ZNRF2: variants seen among roughly 807,000 people sequenced by gnomAD.
ZNRF2 encodes E3 ubiquitin-protein ligase ZNRF2.
Under a neutral mutation model 20.4 loss-of-function variants are expected in ZNRF2, and 16 were observed. The ratio of observed to expected loss-of-function variants is 0.79; its 90% CI spans 0.53 to 1.19. The LOEUF is 1.19. Among genes scored for constraint, ZNRF2 ranks in the 50% most tolerant of loss-of-function variants. ZNRF2 has a pLI of 0.00. For synonymous variants in ZNRF2, 178 were observed against 144.9 expected, an observed-to-expected ratio of 1.23 and a Z score of -1.64; for missense variants, 363 against 332.4, an observed-to-expected ratio of 1.09 and a Z score of -0.72.
chr7:30,354,631 C>G (rs2127956082), intron 2 of ZNRF2, among the ~76,000 whole-genome samples: 1 of 152,212 alleles, frequency 6.6e-6, no homozygotes, highest in East Asian at 1.9e-4. Context: ...AGAAAATGTC[C>G]CTGCCTTTCT....
At position 30,353,020 on chromosome 7, in the gene ZNRF2, A is replaced by G. The variant is rs371853490; in HGVS notation, c.566-2708A>G. ...GTGAGAGAGGGGACTACTCTAGCAA[A>G]CCCCCAGGTAGGCAAAAATTAATCA... On this transcript the variant is annotated intron_variant, in intron 2 of 4. Coordinates refer to ENST00000323037, the MANE Select transcript of ZNRF2 (RefSeq NM_147128.4). 5.3e-5 allele frequency among the ~76,000 whole-genome samples: 8 copies of G among 152,058 alleles called. No homozygotes were observed. In the East Asian group the frequency reaches 1.2e-3, roughly 22 times the overall value.
At chr7:30,358,457 C>G (rs1211948033) in intron 3 of ZNRF2, among the ~76,000 whole-genome samples, 1 of 152,142 alleles carries the variant, frequency 6.6e-6, no homozygotes, top group Non-Finnish European at 1.5e-5. Context: ...GATAGAAAGA[C>G]TCAGTGTCAT....
intron 2 of ZNRF2, among the ~76,000 whole-genome samples, chr7:30,343,873 T>C (rs1799835963): frequency 6.6e-6 from 1 of 151,536 alleles, no homozygotes; most frequent in African/African-American, 2.4e-5. Flanking sequence ...TACTTTCTGG[T>C]TTCATGACTT....
At chr7:30,358,629 A>G (rs1391447779) in intron 3 of ZNRF2, among the ~76,000 whole-genome samples, 1 of 152,232 alleles carries the variant, frequency 6.6e-6, no homozygotes, top group Admixed American at 6.5e-5. Flanking sequence ...GAAGAACACC[A>G]TGTTGGTGGG....
chr7:30,329,368 C>G (rs2127948544), intron 2 of ZNRF2, among the ~76,000 whole-genome samples: 1 of 152,256 alleles, frequency 6.6e-6, no homozygotes, highest in East Asian at 1.9e-4. Context: ...GTTGTGCTTC[C>G]AAGCACTAGG....
At chr7:30,319,443 G>A (rs981465968) in intron 1 of ZNRF2, among the ~76,000 whole-genome samples, 1 of 152,184 alleles carries the variant, frequency 6.6e-6, no homozygotes, top group Non-Finnish European at 1.5e-5. Context: ...CAGGCCTGGA[G>A]GGCTGAAGTG....
Position 30,284,603 on chromosome 7 carries a change from ACGGGCCGGGCGCACCCTG to A in ZNRF2, c.-753_-736del. The A allele has an allele frequency of 6.6e-6, 1 of 152,618 alleles. No individual in the cohort carries two copies. The highest frequency in any genetic ancestry group is 1.5e-5 in the Non-Finnish European group (1 of 68,276). 9.5% of individuals were successfully genotyped at this position (152,618 alleles called of 1,614,324 possible). On this transcript the variant is annotated 5_prime_UTR_variant, in exon 1 of 5. Transcript: ENST00000323037. The stretch of plus-strand genomic sequence containing the variant: ...GGGTCAACGCGCGCGACCCAAACAC[ACGGGCCGGGCGCACCCTG>A]CAGCCGCGCCGCTCCGCGGCCTTCC...
At chr7:30,302,842 G>A (rs7790107) in intron 1 of ZNRF2, among the ~76,000 whole-genome samples, 1 of 152,100 alleles carries the variant, frequency 6.6e-6, no homozygotes, top group South Asian at 2.1e-4. Context: ...GGTGTGTGCC[G>A]TTAACTGTCA....
chr7:30,316,886 A>G (rs1799384283), intron 1 of ZNRF2, among the ~76,000 whole-genome samples: 1 of 152,226 alleles, frequency 6.6e-6, no homozygotes, highest in African/African-American at 2.4e-5. Flanking sequence ...AACAGATCCT[A>G]CCAGTAAATG....
intron 1 of ZNRF2, among the ~76,000 whole-genome samples, chr7:30,310,765 T>C (rs1474245393): frequency 6.6e-6 from 1 of 152,150 alleles, no homozygotes; most frequent in Non-Finnish European, 1.5e-5. Context: ...CTGTGTGGCA[T>C]ACAGGACTGA....
intron 2 of ZNRF2, among the ~76,000 whole-genome samples, chr7:30,325,029 T>G (rs1018408288): frequency 6.6e-6 from 1 of 152,154 alleles, no homozygotes; most frequent in Non-Finnish European, 1.5e-5. Flanking sequence ...TTAGGTCTGG[T>G]GTTTTAGACT....
intron 2 of ZNRF2, among the ~76,000 whole-genome samples, chr7:30,326,596 A>G (rs979169287): frequency 4.6e-5 from 7 of 152,220 alleles, no homozygotes; most frequent in African/African-American, 1.7e-4. Context: ...TGCAGTGAAC[A>G]TATGCATGCA....
chr7:30,355,662 C>A, intron 2 of ZNRF2, 66 bp from the exon 3 acceptor site: 1 of 1,310,494 alleles, frequency 7.6e-7, no homozygotes, highest in South Asian at 1.3e-5. Context: ...AGTTAGCATT[C>A]ACGTAATTCT....
chr7:30,350,983 C>T (rs1799953245), intron 2 of ZNRF2, among the ~76,000 whole-genome samples: 1 of 142,120 alleles, frequency 7.0e-6, no homozygotes, highest in African/African-American at 2.6e-5. Context: ...CAAATTCAGT[C>T]TTATTTGTTG....
At chr7:30,362,320 CATT>C in intron 3 of ZNRF2, 54 bp from the exon 4 acceptor site, 5 of 1,188,536 alleles carry the variant, frequency 4.2e-6, no homozygotes, top group Non-Finnish European at 5.9e-6. Context: ...CTGTGGCTCT[CATT>C]ATATAAATAA....
intron 3 of ZNRF2, among the ~76,000 whole-genome samples, chr7:30,356,231 G>A (rs955314404): frequency 1.3e-5 from 2 of 151,888 alleles, no homozygotes; most frequent in African/African-American, 4.8e-5. Context: ...AAACCTGTCT[G>A]CTTTCTCATA....
chr7:30,309,365 C>T (rs1364271777), intron 1 of ZNRF2, among the ~76,000 whole-genome samples: 2 of 152,086 alleles, frequency 1.3e-5, no homozygotes, highest in Non-Finnish European at 1.5e-5. Context: ...GTTTAGAGTG[C>T]TCAGAAATTT....
At chr7:30,346,957 C>G (rs1799888485) in intron 2 of ZNRF2, among the ~76,000 whole-genome samples, 1 of 152,026 alleles carries the variant, frequency 6.6e-6, no homozygotes, top group Non-Finnish European at 1.5e-5. Context: ...TTTTCAGTGA[C>G]TTTTTCACTG....
intron 2 of ZNRF2, among the ~76,000 whole-genome samples, chr7:30,339,789 A>G (rs1449691671): frequency 1.3e-5 from 2 of 152,140 alleles, no homozygotes; most frequent in East Asian, 3.9e-4. Flanking sequence ...AGTTTTGTCT[A>G]ATTCTGTGAA....
Sources: allele counts gnomAD v4.1 joint callset (sites outside exome capture counted in the v4.1 genomes callset), GRCh38; gene constraint gnomAD v4.1.1; transcripts MANE v1.5; gene names NCBI Gene and HGNC (gene_info 2026-07-23, HGNC 2026-07-21).